The following GALNT7 variants were observed in gnomAD, a reference collection of about 807,000 sequenced individuals.
GALNT7 encodes polypeptide N-acetylgalactosaminyltransferase 7.
A neutral mutation model predicts 82.1 loss-of-function variants in GALNT7; 60 were observed. The observed-to-expected ratio is 0.73, with a 90% confidence interval of 0.59 to 0.91. GALNT7 has a LOEUF of 0.91. Ranked by LOEUF, GALNT7 falls within the 40% of genes least tolerant of loss-of-function variation. The probability of loss-of-function intolerance (pLI) is 0.00; values close to 1 mark genes in which losing one functional copy is unlikely to be tolerated. For synonymous variants in GALNT7, 243 were observed against 275.1 expected, an observed-to-expected ratio of 0.88 and a Z score of 1.15; for missense variants, 660 against 804.2, an observed-to-expected ratio of 0.82 and a Z score of 2.17.
chr4:173,193,271 A>C (rs1371641665), intron 1 of GALNT7, among the ~76,000 whole-genome samples: 1 of 152,222 alleles, frequency 6.6e-6, no homozygotes, highest in Non-Finnish European at 1.5e-5. Context: ...AAGCTAGCTT[A>C]AATTGGTTTT....
chr4:173,216,727 A>ATATATATATATATTTT (rs71244915), intron 1 of GALNT7, among the ~76,000 whole-genome samples: 1 of 12,980 alleles, frequency 7.7e-5, no homozygotes, highest in African/African-American at 2.8e-4. Context: ...ATATATATAT[A>ATATATATATATATTTT]TTTTTTTTTT....
intron 1 of GALNT7, among the ~76,000 whole-genome samples, chr4:173,202,089 A>G (rs1248718322): frequency 6.6e-6 from 1 of 152,204 alleles, no homozygotes; most frequent in Non-Finnish European, 1.5e-5. Context: ...TCTGATGATC[A>G]TTATTGCTAT....
At chr4:173,201,313 T>C (rs1732940672) in intron 1 of GALNT7, among the ~76,000 whole-genome samples, 1 of 152,226 alleles carries the variant, frequency 6.6e-6, no homozygotes, top group South Asian at 2.1e-4. Context: ...ATTAAATTAA[T>C]TTAATAAATT....
intron 9 of GALNT7, chr4:173,315,839 C>T (rs1184426891): frequency 6.6e-6 from 1 of 152,204 alleles, no homozygotes; most frequent in Non-Finnish European, 1.5e-5. Context: ...CTAAATTGAA[C>T]TTCCTATCTC....
chr4:173,169,094 C>T lies in GALNT7; in HGVS notation c.126+133C>T, dbSNP rs925680483. The T allele has an allele frequency of 2.6e-5, 20 of 759,732 alleles. No homozygotes were observed. In the Admixed American group the frequency reaches 5.4e-4, roughly 20 times the overall value. 47.1% of individuals were successfully genotyped at this position (759,732 alleles called of 1,614,324 possible). The stretch of plus-strand genomic sequence containing the variant: ...CGCAGCTCCGCAGGTGGTGCTGGCG[C>T]AGCGCGGGCCGAGGGGGTGCCGAGC... On this transcript the variant is annotated intron_variant, in intron 1 of 11. Transcript: ENST00000265000.
chr4:173,255,122 A>G (rs1734990118), intron 2 of GALNT7, among the ~76,000 whole-genome samples: 1 of 152,230 alleles, frequency 6.6e-6, no homozygotes, highest in South Asian at 2.1e-4. Context: ...GGGAGGTACC[A>G]TATTTATTTC....
intron 8 of GALNT7, among the ~76,000 whole-genome samples, chr4:173,308,232 G>A (rs1561199104): frequency 6.6e-6 from 1 of 152,094 alleles, no homozygotes; most frequent in East Asian, 1.9e-4. Flanking sequence ...AGTTGTGGGG[G>A]AATAAAGGCT....
chr4:173,187,099 A>G (rs1209454874), intron 1 of GALNT7, among the ~76,000 whole-genome samples: 2 of 152,178 alleles, frequency 1.3e-5, no homozygotes, highest in East Asian at 1.9e-4. Flanking sequence ...AAAAGAATGT[A>G]TGTTCATTGT....
chr4:173,260,041 A>G (rs1735199856), intron 2 of GALNT7, among the ~76,000 whole-genome samples: 1 of 152,250 alleles, frequency 6.6e-6, no homozygotes, highest in South Asian at 2.1e-4. Flanking sequence ...TAACCTTCAA[A>G]GACAATTTTA....
chr4:173,193,149 G>A (rs147365164), intron 1 of GALNT7, among the ~76,000 whole-genome samples: 1 of 152,314 alleles, frequency 6.6e-6, no homozygotes, highest in African/African-American at 2.4e-5. Flanking sequence ...AAAAGGCTCG[G>A]CCTCTGCCTC....
intron 1 of GALNT7, among the ~76,000 whole-genome samples, chr4:173,189,604 T>C (rs1367728595): frequency 6.6e-6 from 1 of 152,250 alleles, no homozygotes; most frequent in Admixed American, 6.5e-5. Flanking sequence ...TAGGCAAGAT[T>C]GAATGAAGTG....
At chr4:173,208,129 T>C (rs1200120496) in intron 1 of GALNT7, among the ~76,000 whole-genome samples, 1 of 152,148 alleles carries the variant, frequency 6.6e-6, no homozygotes, top group Non-Finnish European at 1.5e-5. Context: ...GTCATAAATA[T>C]TAGTTACTCC....
intron 1 of GALNT7, among the ~76,000 whole-genome samples, chr4:173,194,764 T>A (rs1732726889): frequency 6.6e-6 from 1 of 152,300 alleles, no homozygotes; most frequent in African/African-American, 2.4e-5. Context: ...ACATTAGGTA[T>A]ATCTCCTAAT....
intron 1 of GALNT7, among the ~76,000 whole-genome samples, chr4:173,172,283 G>A (rs1731903040): frequency 6.6e-6 from 1 of 152,196 alleles, no homozygotes; most frequent in African/African-American, 2.4e-5. Flanking sequence ...CCAGCAGCGG[G>A]GAGGGGCTGC....
At chr4:173,296,761 G>C (rs898532973) in intron 5 of GALNT7, among the ~76,000 whole-genome samples, 1 of 152,172 alleles carries the variant, frequency 6.6e-6, no homozygotes, top group African/African-American at 2.4e-5. Context: ...CAAGTGTCAG[G>C]TAACTTTCTC....
intron 1 of GALNT7, among the ~76,000 whole-genome samples, chr4:173,179,164 T>C (rs1218719212): frequency 6.6e-6 from 1 of 152,256 alleles, no homozygotes; most frequent in Non-Finnish European, 1.5e-5. Context: ...GTGTATTCGC[T>C]GGTATCTTAT....
chr4:173,271,175 CATT>C lies in GALNT7; in HGVS notation c.588-20932_588-20930del, dbSNP rs947998531. Among the ~76,000 whole-genome samples, 55 of 152,236 alleles carry C rather than the reference CATT, an allele frequency of 3.6e-4. 2 individuals carry two copies. The highest frequency in any genetic ancestry group is 6.2e-4 in the South Asian group (3 of 4,816). ...TGGTCTAATTCTGTTAGTAAGTTGA[CATT>C]GTTGTTCTGGGGAAAGCTTTAATGT... On this transcript the variant is annotated intron_variant, in intron 2 of 11. Transcript: ENST00000265000.
Position 173,270,232 on chromosome 4 carries a change from A to G in GALNT7, c.587+21792A>G, listed in dbSNP as rs563167918. On this transcript the variant is annotated intron_variant, in intron 2 of 11. Transcript: ENST00000265000. Reference sequence around the variant, plus strand: ...ATGTTTTTCCCTTTAAACTGTGGCAATAACCCTTGTAATTGCATGTGCTCT... The same window carrying G: ...ATGTTTTTCCCTTTAAACTGTGGCAGTAACCCTTGTAATTGCATGTGCTCT... 5.9e-5 allele frequency among the ~76,000 whole-genome samples: 9 copies of G among 152,314 alleles called. No individual in the cohort carries two copies. The South Asian group carries it at 1.9e-3, about 32-fold the overall frequency.
In GALNT7 at chr4:173,178,347, C is replaced by T. The variant is rs560680291; in HGVS notation, c.126+9386C>T. ...TCTCAGCGTAGAGAAAATGTATGCTCAGCATTTCAATACTCTTAGTTTTTA... is the reference window on the plus strand; with the variant it reads ...TCTCAGCGTAGAGAAAATGTATGCTTAGCATTTCAATACTCTTAGTTTTTA... On this transcript the variant is annotated intron_variant, in intron 1 of 11. Transcript: ENST00000265000. Among the ~76,000 whole-genome samples the T allele has an allele frequency of 1.2e-3, 181 of 152,094 alleles. 1 individual carries two copies. The highest frequency in any genetic ancestry group is 3.1e-3 in the Admixed American group (47 of 15,286).
Sources: gnomAD v4.1 joint callset for allele counts (sites outside exome capture counted in the v4.1 genomes callset) on GRCh38, gnomAD v4.1.1 for gene constraint, MANE v1.5 for transcripts, NCBI Gene and HGNC (gene_info 2026-07-23, HGNC 2026-07-21) for gene names.